THSD7A: variants seen among roughly 807,000 people sequenced by gnomAD.
THSD7A encodes thrombospondin type 1 domain containing 7A.
In THSD7A, 96 loss-of-function variants were observed where a neutral mutation model predicts 231.3. The observed-to-expected ratio is 0.41, with a 90% CI of 0.35 to 0.49. The LOEUF is 0.49. THSD7A is among the 20% of genes least tolerant of loss of function. The pLI, the probability that THSD7A is intolerant of heterozygous loss-of-function variation, is 0.05. For missense variants in THSD7A, 2,290 were observed against 2,070.2 expected, an observed-to-expected ratio of 1.11 and a Z score of -2.06; for synonymous variants, 940 against 743.3, an observed-to-expected ratio of 1.26 and a Z score of -4.30.
intron 4 of THSD7A, among the ~76,000 whole-genome samples, chr7:11,567,353 T>A (rs1488229177): frequency 6.6e-6 from 1 of 151,962 alleles, no homozygotes; most frequent in Non-Finnish European, 1.5e-5. Flanking sequence ...ACTCACTCAC[T>A]GTCACGAGAA....
intron 1 of THSD7A, among the ~76,000 whole-genome samples, chr7:11,761,938 A>G (rs1782877193): frequency 6.6e-6 from 1 of 151,920 alleles, no homozygotes; most frequent in African/African-American, 2.4e-5. Flanking sequence ...CTCACTGTCT[A>G]TTATTTCCAT....
chr7:11,425,631 A>G (rs898620776), intron 15 of THSD7A, among the ~76,000 whole-genome samples: 2 of 152,064 alleles, frequency 1.3e-5, no homozygotes, highest in Non-Finnish European at 2.9e-5. Context: ...AAGGAAATAA[A>G]TGGCACTTAA....
chr7:11,489,773 C>T (rs905645550), intron 6 of THSD7A, among the ~76,000 whole-genome samples: 4 of 152,048 alleles, frequency 2.6e-5, no homozygotes, highest in Admixed American at 6.6e-5. Flanking sequence ...TCAATCTTCT[C>T]CTGTTTTAAT....
At chr7:11,437,143 G>A (rs192245289) in intron 13 of THSD7A, among the ~76,000 whole-genome samples, 246 of 152,224 alleles carry the variant, frequency 1.6e-3, no homozygotes, top group Non-Finnish European at 2.7e-3. Context: ...GGCCTGAGGG[G>A]CTCTGGGAAA....
At chr7:11,757,078 T>C (rs1185755419) in intron 1 of THSD7A, among the ~76,000 whole-genome samples, 1 of 151,968 alleles carries the variant, frequency 6.6e-6, no homozygotes, top group Non-Finnish European at 1.5e-5. Context: ...ACATCTAGTG[T>C]GTGCTTAGTA....
At chr7:11,824,005 T>C (rs1375724124) in intron 1 of THSD7A, among the ~76,000 whole-genome samples, 2 of 151,968 alleles carry the variant, frequency 1.3e-5, no homozygotes, top group African/African-American at 4.8e-5. Context: ...AATGGAACAA[T>C]GCACAAAACA....
At chr7:11,509,818 T>A (rs1787719832) in intron 6 of THSD7A, among the ~76,000 whole-genome samples, 1 of 10,884 alleles carries the variant, frequency 9.2e-5, no homozygotes, top group Non-Finnish European at 3.5e-4. Flanking sequence ...CCAGAGTCCG[T>A]CTCAAAAAAA....
At chr7:11,378,781 A>G in intron 26 of THSD7A, 1 of 345,870 alleles carries the variant, frequency 2.9e-6, no homozygotes, top group African/African-American at 2.1e-5. Flanking sequence ...AACTTTGTTC[A>G]ATTTGAAATT....
chr7:11,426,564 A>G (rs1378660039), intron 15 of THSD7A, 102 bp downstream of exon 15: 20 of 1,281,418 alleles, frequency 1.6e-5, no homozygotes, highest in Non-Finnish European at 2.0e-5. Flanking sequence ...TCTCCCTGTA[A>G]AACATAAAAG....
chr7:11,426,536 A>G, intron 15 of THSD7A, 130 bp downstream of exon 15: 1 of 1,018,902 alleles, frequency 9.8e-7, no homozygotes, highest in Non-Finnish European at 1.4e-6. Flanking sequence ...AAATTCTTTA[A>G]TGGAAAATAT....
intron 6 of THSD7A, among the ~76,000 whole-genome samples, chr7:11,519,632 C>T (rs1221490118): frequency 6.6e-6 from 1 of 152,104 alleles, no homozygotes; most frequent in Non-Finnish European, 1.5e-5. Context: ...TGGCATTTCT[C>T]AGTTAAAATA....
At chr7:11,487,378 T>C (rs1378862905) in intron 6 of THSD7A, among the ~76,000 whole-genome samples, 1 of 152,178 alleles carries the variant, frequency 6.6e-6, no homozygotes, top group African/African-American at 2.4e-5. Context: ...GCATTTATCG[T>C]GTTAGAGCCT....
At chr7:11,549,907 G>A (rs1036761346) in intron 4 of THSD7A, among the ~76,000 whole-genome samples, 1 of 151,936 alleles carries the variant, frequency 6.6e-6, no homozygotes, top group Non-Finnish European at 1.5e-5. Flanking sequence ...TCCTACACAT[G>A]TACCCCAGAA....
rs374210209 is a variant in THSD7A, at chr7:11,636,389, G to C, written c.763C>G (p.Leu255Val). 9.9e-6 allele frequency: 16 copies of C among 1,613,838 alleles called. No homozygotes were observed. Among genetic ancestry groups the C allele is most frequent in the Non-Finnish European group, 1.2e-5 (14 of 1,179,904 alleles). Residue 255 changes from leucine to valine, a missense_variant, in exon 2 of 28, where the codon CTG (leucine) becomes GTG (valine). Leu to Val is a conservative substitution (Grantham distance 32). Transcript: ENST00000423059. This position sits in a 1 kb window ranked among gnomAD's most constrained non-coding sequence, Gnocchi z 10.0. ...CAGGTGCTCCAGGGCCCCACATGCA[G>C]GCTGTACCTGAGCTCCTCGGCCTCG... ...PCEAEELRYS[L>V]HVGPWSTCSM...
At chr7:11,819,414 G>A (rs929340334) in intron 1 of THSD7A, among the ~76,000 whole-genome samples, 1 of 152,204 alleles carries the variant, frequency 6.6e-6, no homozygotes, top group Non-Finnish European at 1.5e-5. Context: ...AAGCAACCAA[G>A]ATGCCTTTAA....
intron 23 of THSD7A, among the ~76,000 whole-genome samples, chr7:11,388,509 T>G (rs1221969788): frequency 6.6e-6 from 1 of 152,256 alleles, no homozygotes; most frequent in Non-Finnish European, 1.5e-5. Context: ...AGATGGTAGT[T>G]TGAATTTCCG....
chr7:11,766,774 G>A (rs1049028868), intron 1 of THSD7A, among the ~76,000 whole-genome samples: 5 of 152,164 alleles, frequency 3.3e-5, no homozygotes, highest in Non-Finnish European at 7.4e-5. Flanking sequence ...CAGATTGGTG[G>A]AGAACAGGGA....
intron 2 of THSD7A, among the ~76,000 whole-genome samples, chr7:11,621,995 G>A (rs989275378): frequency 2.6e-5 from 4 of 152,166 alleles, no homozygotes; most frequent in Admixed American, 6.5e-5. Flanking sequence ...TAAAGATAAC[G>A]TCATATTAGT....
rs542157384 is a variant in THSD7A at position 11,444,952 on chromosome 7, T to C, written c.3064+1109A>G. 4.7e-5 allele frequency among the ~76,000 whole-genome samples: 7 copies of C among 148,720 alleles called. No homozygotes were observed. The highest frequency in any genetic ancestry group is 1.3e-4 in the Admixed American group (2 of 14,850). On this transcript the variant is annotated intron_variant, in intron 13 of 27. Coordinates refer to ENST00000423059, the MANE Select transcript of THSD7A (RefSeq NM_015204.3). The surrounding 1 kb of genome is among the most constrained non-coding windows in gnomAD (Gnocchi z 4.2). The stretch of plus-strand genomic sequence containing the variant: ...TGTATATATAGAATGAAACTATATA[T>C]ATGTATATATATATTAAATGAAACT...
Sources: gnomAD v4.1 joint callset for allele counts (sites outside exome capture counted in the v4.1 genomes callset) on GRCh38, gnomAD v4.1.1 for gene constraint, Gnocchi (gnomAD v3.1) non-coding constraint, MANE v1.5 for transcripts, NCBI Gene and HGNC (gene_info 2026-07-23, HGNC 2026-07-21) for gene names.